DGKB: variants seen among roughly 807,000 people sequenced by gnomAD.
DGKB encodes the protein diacylglycerol kinase beta.
In DGKB, 67 loss-of-function variants were observed where a neutral mutation model predicts 114.3. That is an observed-to-expected ratio of 0.59 (90% confidence interval 0.48 to 0.72). DGKB has a LOEUF of 0.72. DGKB is among the 30% of genes least tolerant of loss of function. The probability of loss-of-function intolerance (pLI) is 0.00; values close to 1 mark genes in which losing one functional copy is unlikely to be tolerated. For missense variants in DGKB, 907 were observed against 975.2 expected (o/e 0.93, Z 0.93); for synonymous variants, 398 against 323.1 (o/e 1.23, Z -2.49).
intron 2 of DGKB, among the ~76,000 whole-genome samples, chr7:14,833,061 A>G (rs929597174): frequency 6.6e-6 from 1 of 152,028 alleles, no homozygotes; most frequent in Non-Finnish European, 1.5e-5. Flanking sequence ...GAAATGCCCC[A>G]TCCTTCTTCC....
chr7:14,457,753 C>T (rs550339487), intron 21 of DGKB, among the ~76,000 whole-genome samples: 3 of 152,290 alleles, frequency 2.0e-5, no homozygotes. Flanking sequence ...GCCCTTTGAC[C>T]TCCTATGACA....
Position 14,599,739 on chromosome 7 carries a change from C to T in DGKB, c.1433+7695G>A, listed in dbSNP as rs1467985298. Among the ~76,000 whole-genome samples the T allele has an allele frequency of 4.3e-4, 66 of 152,110 alleles. 1 individual carries two copies. Among genetic ancestry groups the T allele is most frequent in the Non-Finnish European group, 1.2e-4 (8 of 68,028 alleles). On this transcript the variant is annotated intron_variant, in intron 17 of 25. Coordinates refer to ENST00000402815, the MANE Select transcript of DGKB (RefSeq NM_001350709.2). ...TGGATTGGCAGTGATGAGATTGTTC[C>T]TGGCATCTGGTAGCCATTGAATAAA... is the stretch of plus-strand genomic sequence containing the variant.
intron 21 of DGKB, among the ~76,000 whole-genome samples, chr7:14,382,998 C>T (rs1043245467): frequency 4.6e-5 from 7 of 152,212 alleles, no homozygotes; most frequent in African/African-American, 1.7e-4. Context: ...AACCTCATCC[C>T]TGTTCTGACT....
chr7:14,308,912 C>T (rs918677490), intron 23 of DGKB, among the ~76,000 whole-genome samples: 7 of 152,154 alleles, frequency 4.6e-5, no homozygotes, highest in African/African-American at 1.7e-4. Flanking sequence ...TGAGTTTCTT[C>T]AGCTTCGAAA....
chr7:14,580,847 T>C lies in DGKB; in HGVS notation c.1609+15A>G, dbSNP rs1312186445. On this transcript the variant is annotated intron_variant, in intron 19 of 25. Coordinates refer to ENST00000402815, the MANE Select transcript of DGKB (RefSeq NM_001350709.2). ...TTGTGTACTGTTTCTGCTTTTGTTG[T>C]TGCAGCTGCTTTACCTCCTCCCCAT... The C allele has an allele frequency of 1.3e-6, 2 of 1,585,134 alleles. No individual in the cohort carries two copies. Among genetic ancestry groups the C allele is most frequent in the East Asian group, 4.5e-5 (2 of 44,646 alleles).
intron 13 of DGKB, among the ~76,000 whole-genome samples, chr7:14,652,430 G>C (rs1270667292): frequency 6.6e-6 from 1 of 151,700 alleles, no homozygotes; most frequent in Admixed American, 6.6e-5. Context: ...ATGGTGCTGG[G>C]AAAACTGGCA....
At chr7:14,771,455 T>A (rs1837396409) in intron 2 of DGKB, among the ~76,000 whole-genome samples, 1 of 152,208 alleles carries the variant, frequency 6.6e-6, no homozygotes, top group Non-Finnish European at 1.5e-5. Flanking sequence ...TGATGTAGTA[T>A]CTAAAGGGGG....
At chr7:14,454,725 T>G (rs895083198) in intron 21 of DGKB, among the ~76,000 whole-genome samples, 1 of 152,076 alleles carries the variant, frequency 6.6e-6, no homozygotes, top group Non-Finnish European at 1.5e-5. Flanking sequence ...AGAGAGTTAC[T>G]GGACCCCTGC....
In DGKB at chr7:14,440,374, C is replaced by A. The variant is rs1243186473; in HGVS notation, c.1835+37787G>T. Among the ~76,000 whole-genome samples the A allele has an allele frequency of 3.3e-5, 5 of 151,966 alleles. No individual in the cohort carries two copies. In the East Asian group the frequency reaches 9.7e-4, roughly 29 times the overall value. ...AGTGATTTACTGAGTTGATCAGGAC[C>A]CTCACTCATGTAGCCTCCAGTGATA... On this transcript the variant is annotated intron_variant, in intron 21 of 25. Transcript: ENST00000402815.
At chr7:14,942,625 T>TC (rs2128255375) in intron 1 of DGKB, among the ~76,000 whole-genome samples, 1 of 152,064 alleles carries the variant, frequency 6.6e-6, no homozygotes, top group East Asian at 1.9e-4. Flanking sequence ...TTCCTCCAGT[T>TC]TAAAGCGCTC....
In DGKB at chr7:14,861,284, C is replaced by A. The variant is rs955260621; in HGVS notation, c.-187-19834G>T. On this transcript the variant is annotated intron_variant, in intron 1 of 25. Transcript: ENST00000402815. Reference sequence around the variant, plus strand: ...CAGTTATATGTTCAAAAAGAAAATACCGTTACTACATAGATTTTTTGAGTA... The same window carrying A: ...CAGTTATATGTTCAAAAAGAAAATAACGTTACTACATAGATTTTTTGAGTA... Among the ~76,000 whole-genome samples, 34 of 151,764 alleles carry A rather than the reference C, an allele frequency of 2.2e-4. 3 individuals carry two copies. Among genetic ancestry groups the A allele is most frequent in the Admixed American group, 1.4e-3 (21 of 15,212 alleles).
intron 23 of DGKB, among the ~76,000 whole-genome samples, chr7:14,253,915 C>G (rs1240810958): frequency 6.6e-6 from 1 of 152,084 alleles, no homozygotes; most frequent in Non-Finnish European, 1.5e-5. Context: ...AGTTTATGCT[C>G]AGAAAACAAA....
At chr7:14,637,950 C>A (rs1275113218) in intron 13 of DGKB, among the ~76,000 whole-genome samples, 1 of 151,728 alleles carries the variant, frequency 6.6e-6, no homozygotes, top group East Asian at 1.9e-4. Context: ...TTTTGAAGTT[C>A]CATTCTATAA....
intron 2 of DGKB, among the ~76,000 whole-genome samples, chr7:14,780,503 A>ATG (rs1157773587): frequency 6.6e-6 from 1 of 152,174 alleles, no homozygotes; most frequent in African/African-American, 2.4e-5. Context: ...TGCTAGGTTA[A>ATG]TTCTATGCCA....
At position 14,322,210 on chromosome 7, in the gene DGKB, GGT is replaced by G. The variant is rs1398537697; in HGVS notation, c.2122+16303_2122+16304del. Among the ~76,000 whole-genome samples, 4 of 152,040 alleles carry G rather than the reference GGT, an allele frequency of 2.6e-5. No individual in the cohort carries two copies. In the East Asian group the frequency reaches 7.7e-4, roughly 29 times the overall value. On this transcript the variant is annotated intron_variant, in intron 23 of 25. Coordinates refer to ENST00000402815, the MANE Select transcript of DGKB (RefSeq NM_001350709.2). The stretch of plus-strand genomic sequence containing the variant: ...AGGTATTGTTTTTGGCTGTTTCTGT[GGT>G]ACAGTGGCAGGGATGAGTAGGTATG...
chr7:14,186,020 G>A (rs1275160910), intron 23 of DGKB, among the ~76,000 whole-genome samples: 3 of 152,152 alleles, frequency 2.0e-5, no homozygotes, highest in African/African-American at 7.2e-5. Context: ...AAGTAGCTGG[G>A]ACCTAATTAA....
chr7:14,763,947 A>T (rs1459074703), intron 2 of DGKB, among the ~76,000 whole-genome samples: 2 of 151,968 alleles, frequency 1.3e-5, no homozygotes, highest in Admixed American at 6.6e-5. Context: ...GTTTTTACAA[A>T]GTGAGAGAGG....
At chr7:14,881,007 G>T (rs1448166971) in intron 1 of DGKB, among the ~76,000 whole-genome samples, 1 of 151,972 alleles carries the variant, frequency 6.6e-6, no homozygotes, top group African/African-American at 2.4e-5. Context: ...GAGGCTGTTA[G>T]GCCAAAGATT....
At chr7:14,720,192 C>G (rs1443249796) in intron 5 of DGKB, among the ~76,000 whole-genome samples, 1 of 152,132 alleles carries the variant, frequency 6.6e-6, no homozygotes, top group South Asian at 2.1e-4. Flanking sequence ...CTATCCTATT[C>G]TGAAAATTTT....
Sources: gnomAD v4.1 joint callset for allele counts (sites outside exome capture counted in the v4.1 genomes callset) on GRCh38, gnomAD v4.1.1 for gene constraint, MANE v1.5 for transcripts, NCBI Gene and HGNC (gene_info 2026-07-23, HGNC 2026-07-21) for gene names.